The following COL14A1 variants were observed in gnomAD, a reference collection of about 807,000 sequenced individuals.
The protein encoded by COL14A1 is collagen alpha-1(XIV) chain.
A neutral mutation model predicts 230.3 loss-of-function variants in COL14A1; 136 were observed. The ratio of observed to expected loss-of-function variants is 0.59; its 90% CI spans 0.51 to 0.68. COL14A1 has a LOEUF of 0.68. Ranked by LOEUF, COL14A1 falls within the 30% of genes least tolerant of loss-of-function variation. COL14A1 has a pLI of 0.00. For missense variants in COL14A1, 1,976 were observed against 2,215.8 expected (o/e 0.89, Z 2.17); for synonymous variants, 792 against 784.1 (o/e 1.01, Z -0.17).
intron 15 of COL14A1, 97 bp from the exon 16 acceptor site, chr8:120,226,530 A>G (rs1358844035): frequency 1.8e-5 from 23 of 1,299,476 alleles, no homozygotes; most frequent in Non-Finnish European, 2.3e-5. Flanking sequence ...AAAGCAAAAG[A>G]TTCCTCAAAG....
intron 9 of COL14A1, among the ~76,000 whole-genome samples, chr8:120,204,866 G>A (rs1817378666): frequency 6.6e-6 from 1 of 152,164 alleles, no homozygotes; most frequent in African/African-American, 2.4e-5. Context: ...GGGGTTGAGG[G>A]TCCAGGCAGG....
intron 44 of COL14A1, among the ~76,000 whole-genome samples, chr8:120,343,131 CT>C (rs1694171033): frequency 6.6e-6 from 1 of 152,194 alleles, no homozygotes; most frequent in Admixed American, 6.5e-5. Context: ...GATCCCACCA[CT>C]TTTGCACGTT....
chr8:120,245,010 C>T (rs1368542016), intron 20 of COL14A1, among the ~76,000 whole-genome samples: 1 of 152,184 alleles, frequency 6.6e-6, no homozygotes, highest in African/African-American at 2.4e-5. Flanking sequence ...TCCCTGTCTG[C>T]TCTCCACTGG....
intron 40 of COL14A1, among the ~76,000 whole-genome samples, chr8:120,328,026 A>G (rs1821741909): frequency 6.6e-6 from 1 of 151,884 alleles, no homozygotes; most frequent in Non-Finnish European, 1.5e-5. Context: ...GGCCTCCCAA[A>G]GTGCTGAGAT....
intron 14 of COL14A1, among the ~76,000 whole-genome samples, chr8:120,224,023 C>CATTTTTTT (rs1197030504): frequency 2.6e-5 from 2 of 78,280 alleles, no homozygotes; most frequent in East Asian, 1.1e-3. Flanking sequence ...CCCTCATCTC[C>CATTTTTTT]TTTTTTTTTT....
rs1022311042 is a variant in COL14A1 at position 120,286,044 on chromosome 8, T to C, written c.4077+74T>C. On this transcript the variant is annotated intron_variant, in intron 33 of 47. Coordinates refer to ENST00000297848, the MANE Select transcript of COL14A1 (RefSeq NM_021110.4). ...ACAAAGCCATTTAAAAACAATTCCA[T>C]AGGGCTTTGGATCTCAAATTTCAGC... 2.2e-5 allele frequency: 19 copies of C among 866,100 alleles called. No homozygotes were observed. The Middle Eastern group carries it at 9.9e-4, about 45-fold the overall frequency. 53.7% of individuals were successfully genotyped at this position (866,100 alleles called of 1,614,324 possible). A position where few individuals can be genotyped will look rare whatever the true frequency, so the allele number is the denominator to read the frequency against.
chr8:120,308,346 G>A (rs1820916200), intron 36 of COL14A1, among the ~76,000 whole-genome samples: 1 of 152,200 alleles, frequency 6.6e-6, no homozygotes, highest in African/African-American at 2.4e-5. Flanking sequence ...GGTAATAAAA[G>A]AATGGCTAAA....
chr8:120,141,332 C>T (rs1314156386), intron 1 of COL14A1, among the ~76,000 whole-genome samples: 1 of 152,074 alleles, frequency 6.6e-6, no homozygotes, highest in Non-Finnish European at 1.5e-5. Context: ...TGCTTGAGCC[C>T]AGGAGTTCGA....
At chr8:120,263,606 C>T (rs575219679) in intron 24 of COL14A1, among the ~76,000 whole-genome samples, 7 of 152,134 alleles carry the variant, frequency 4.6e-5, no homozygotes, top group Admixed American at 1.3e-4. Flanking sequence ...GATTCTTGAC[C>T]CCGGCTCCAC....
At chr8:120,155,986 A>G (rs1247470808) in intron 2 of COL14A1, among the ~76,000 whole-genome samples, 1 of 152,156 alleles carries the variant, frequency 6.6e-6, no homozygotes, top group African/African-American at 2.4e-5. Context: ...CAGGAAGCTA[A>G]TGTTTTTATT....
intron 5 of COL14A1, among the ~76,000 whole-genome samples, chr8:120,171,195 AT>A (rs1467863830): frequency 6.6e-6 from 1 of 152,198 alleles, no homozygotes; most frequent in African/African-American, 2.4e-5. Flanking sequence ...AATACAGAAT[AT>A]AGAATTTAAT....
intron 42 of COL14A1, among the ~76,000 whole-genome samples, chr8:120,339,801 C>T (rs1822220882): frequency 6.6e-6 from 1 of 151,846 alleles, no homozygotes; most frequent in African/African-American, 2.4e-5. Context: ...CTTTGGTAGG[C>T]TGAAGTGGGC....
chr8:120,360,119 G>T, intron 45 of COL14A1, among the ~76,000 whole-genome samples: 1 of 152,158 alleles, frequency 6.6e-6, no homozygotes, highest in South Asian at 2.1e-4. Context: ...CCCACTTAAT[G>T]ATTCAACCTG....
chr8:120,250,697 T>C lies in COL14A1; in HGVS notation c.2683T>C (p.Tyr895His), dbSNP rs148555762. 17 of 1,614,132 alleles carry C rather than the reference T, an allele frequency of 1.1e-5. No individual in the cohort carries two copies. The highest frequency in any genetic ancestry group is 1.4e-5 in the Non-Finnish European group (17 of 1,180,052). ...CACAAACCTCCTCAGCGGAATGGACTACAATGTGAAGATATTTGCCTCCCA... is the reference window on the plus strand; with the variant it reads ...CACAAACCTCCTCAGCGGAATGGACCACAATGTGAAGATATTTGCCTCCCA... Reference protein sequence around the residue: ...LITNLLSGMDYNVKIFASQAS... With the variant: ...LITNLLSGMDHNVKIFASQAS... Residue 895 changes from tyrosine (Y) to histidine (H), a missense_variant, in exon 22 of 48, where the codon TAC becomes CAC. Tyr to His is a moderately conservative substitution (Grantham distance 83). Coordinates refer to ENST00000297848, the MANE Select transcript of COL14A1 (RefSeq NM_021110.4).
chr8:120,152,000 T>C (rs1379621841), intron 2 of COL14A1, among the ~76,000 whole-genome samples: 2 of 152,066 alleles, frequency 1.3e-5, no homozygotes, highest in African/African-American at 4.8e-5. Flanking sequence ...AAGACAATGA[T>C]TGATTCTCCC....
At chr8:120,195,109 C>T (rs919390395) in intron 5 of COL14A1, among the ~76,000 whole-genome samples, 1 of 152,002 alleles carries the variant, frequency 6.6e-6, no homozygotes, top group South Asian at 2.1e-4. Context: ...TCATTTTTTC[C>T]CCATCTGGTA....
intron 34 of COL14A1, among the ~76,000 whole-genome samples, chr8:120,291,019 C>A (rs1168235299): frequency 6.6e-6 from 1 of 152,170 alleles, no homozygotes; most frequent in East Asian, 1.9e-4. Context: ...GGAAGGCTCT[C>A]TTGTTCTCAG....
chr8:120,319,448 T>C (rs918862117), intron 40 of COL14A1, among the ~76,000 whole-genome samples: 6 of 152,126 alleles, frequency 3.9e-5, no homozygotes, highest in Non-Finnish European at 5.9e-5. Context: ...GTGCTGGGAT[T>C]ACAAGCACGA....
intron 9 of COL14A1, among the ~76,000 whole-genome samples, chr8:120,204,117 T>C (rs1477606306): frequency 6.6e-6 from 1 of 152,204 alleles, no homozygotes; most frequent in African/African-American, 2.4e-5. Flanking sequence ...AAACTTAAAC[T>C]TTTAATTTTA....
Sources: allele counts gnomAD v4.1 joint callset (sites outside exome capture counted in the v4.1 genomes callset), GRCh38; gene constraint gnomAD v4.1.1; transcripts MANE v1.5; gene names NCBI Gene and HGNC (gene_info 2026-07-23, HGNC 2026-07-21).